Variants in NALF1 observed in about 807,000 individuals in gnomAD.
The protein encoded by NALF1 is family with sequence similarity 155 member A.
NALF1 carries 3 observed loss-of-function variants against 48.4 expected under a neutral mutation model. The ratio of observed to expected loss-of-function variants is 0.06; its 90% CI spans 0.03 to 0.16. NALF1 has a LOEUF of 0.16. NALF1 is among the 10% of genes least tolerant of loss of function. NALF1 has a pLI of 1.00. For missense variants in NALF1, 526 were observed against 571.5 expected, an observed-to-expected ratio of 0.92 and a Z score of 0.81; for synonymous variants, 262 against 245.7, an observed-to-expected ratio of 1.07 and a Z score of -0.62.
At chr13:107,783,763 G>T (rs539903195) in intron 1 of NALF1, among the ~76,000 whole-genome samples, 1 of 150,474 alleles carries the variant, frequency 6.6e-6, no homozygotes, top group African/African-American at 2.4e-5. Flanking sequence ...GAAAACCAGA[G>T]ACCTTTGTTC....
chr13:107,293,565 T>C (rs1447962138), intron 1 of NALF1, among the ~76,000 whole-genome samples: 1 of 152,128 alleles, frequency 6.6e-6, no homozygotes, highest in Non-Finnish European at 1.5e-5. Flanking sequence ...AAGAAACAAC[T>C]CCACTTTATA....
chr13:107,613,564 T>C (rs1879298789), intron 1 of NALF1, among the ~76,000 whole-genome samples: 1 of 152,240 alleles, frequency 6.6e-6, no homozygotes, highest in African/African-American at 2.4e-5. Flanking sequence ...TAGATTTCAG[T>C]CCATGTTTTA....
intron 2 of NALF1, among the ~76,000 whole-genome samples, chr13:107,198,895 C>G (rs537161474): frequency 6.6e-6 from 1 of 152,156 alleles, no homozygotes. Flanking sequence ...CCTTTTTATA[C>G]GCTGTTATGG....
At chr13:107,420,485 A>G (rs1339264914) in intron 1 of NALF1, among the ~76,000 whole-genome samples, 1 of 152,148 alleles carries the variant, frequency 6.6e-6, no homozygotes, top group African/African-American at 2.4e-5. Context: ...ACTGGCAAAA[A>G]TTAATTCTGT....
chr13:107,706,436 TCA>T (rs1270463972), intron 1 of NALF1, among the ~76,000 whole-genome samples: 1 of 152,232 alleles, frequency 6.6e-6, no homozygotes, highest in East Asian at 1.9e-4. Flanking sequence ...TTAAGATTTC[TCA>T]CATGCATTCT....
Position 107,351,554 on chromosome 13 carries a change from G to A in NALF1, c.916-140799C>T, listed in dbSNP as rs115047292. On this transcript the variant is annotated intron_variant, in intron 1 of 2. Transcript: ENST00000375915. ...GTAACAGCATCTCCACCAATGAACC[G>A]ACAACAACTCTGGCTTTGAGCCTCT... Among the ~76,000 whole-genome samples the A allele has an allele frequency of 7.9e-3, 1,207 of 152,196 alleles. 18 individuals carry two copies. The highest frequency in any genetic ancestry group is 0.028 in the African/African-American group (1,148 of 41,530).
At chr13:107,805,882 A>G (rs1878770233) in intron 1 of NALF1, among the ~76,000 whole-genome samples, 1 of 152,166 alleles carries the variant, frequency 6.6e-6, no homozygotes, top group African/African-American at 2.4e-5. Flanking sequence ...TGGGCTGTTA[A>G]TCACAAAATC....
chr13:107,353,227 C>T (rs998562843), intron 1 of NALF1, among the ~76,000 whole-genome samples: 1 of 152,206 alleles, frequency 6.6e-6, no homozygotes, highest in Non-Finnish European at 1.5e-5. Flanking sequence ...CTCCTGCACA[C>T]TAATAAAATT....
In NALF1 at chr13:107,281,863, G is replaced by A. The variant is rs565147044; in HGVS notation, c.916-71108C>T. ...GGAACTACCAAACACTTATAAAACCGTCAGATCTTATGAGAATTCACTCAA... is the reference window on the plus strand; with the variant it reads ...GGAACTACCAAACACTTATAAAACCATCAGATCTTATGAGAATTCACTCAA... On this transcript the variant is annotated intron_variant, in intron 1 of 2. Transcript: ENST00000375915. 1.2e-3 allele frequency among the ~76,000 whole-genome samples: 188 copies of A among 152,264 alleles called. 1 individual carries two copies. The highest frequency in any genetic ancestry group is 4.0e-3 in the African/African-American group (167 of 41,552).
intron 1 of NALF1, among the ~76,000 whole-genome samples, chr13:107,252,076 G>T (rs1389611298): frequency 1.3e-5 from 2 of 152,150 alleles, no homozygotes; most frequent in Non-Finnish European, 2.9e-5. Context: ...GGAGGGCCTG[G>T]TGGAAGTGGA....
chr13:107,683,876 G>T (rs1881364833), intron 1 of NALF1, among the ~76,000 whole-genome samples: 1 of 152,200 alleles, frequency 6.6e-6, no homozygotes, highest in Non-Finnish European at 1.5e-5. Flanking sequence ...ACCTGCTGAG[G>T]GGACCCACAT....
intron 1 of NALF1, among the ~76,000 whole-genome samples, chr13:107,844,287 A>T (rs548137125): frequency 1.6e-4 from 25 of 152,282 alleles, no homozygotes; most frequent in African/African-American, 6.0e-4. Context: ...ATCTTATGAA[A>T]CAACCAGAAG....
At chr13:107,680,564 G>C (rs1285119604) in intron 1 of NALF1, among the ~76,000 whole-genome samples, 2 of 151,734 alleles carry the variant, frequency 1.3e-5, no homozygotes, top group East Asian at 1.9e-4. Context: ...GTGAGAATGT[G>C]TGTGAATGAG....
intron 1 of NALF1, among the ~76,000 whole-genome samples, chr13:107,367,022 G>A (rs560024613): frequency 6.6e-6 from 1 of 152,240 alleles, no homozygotes; most frequent in African/African-American, 2.4e-5. Flanking sequence ...TATTTTAGAG[G>A]GAAAAGAGAA....
intron 1 of NALF1, among the ~76,000 whole-genome samples, chr13:107,789,477 T>C (rs1879636319): frequency 6.6e-6 from 1 of 152,256 alleles, no homozygotes; most frequent in Non-Finnish European, 1.5e-5. Flanking sequence ...TGGGAAACTA[T>C]GCTTACTTCA....
intron 1 of NALF1, among the ~76,000 whole-genome samples, chr13:107,703,364 T>A (rs986406725): frequency 6.4e-4 from 1 of 1,572 alleles, no homozygotes; most frequent in Non-Finnish European, 1.6e-3. Context: ...ATTTGCTTAG[T>A]TTTTTTTTTT....
intron 1 of NALF1, among the ~76,000 whole-genome samples, chr13:107,771,140 A>G (rs191912605): frequency 6.6e-6 from 1 of 152,332 alleles, no homozygotes; most frequent in African/African-American, 2.4e-5. Context: ...CTAAATTTAC[A>G]AAACAAATCT....
At chr13:107,582,428 C>A (rs1272945916) in intron 1 of NALF1, among the ~76,000 whole-genome samples, 2 of 152,184 alleles carry the variant, frequency 1.3e-5, no homozygotes, top group African/African-American at 4.8e-5. Context: ...GCAGATAACA[C>A]TTGCATCTAG....
intron 1 of NALF1, among the ~76,000 whole-genome samples, chr13:107,572,483 A>T (rs1043295483): frequency 6.6e-6 from 1 of 152,190 alleles, no homozygotes; most frequent in Non-Finnish European, 1.5e-5. Context: ...AAAAACTGTC[A>T]CAAAAATGGT....
Sources: allele counts gnomAD v4.1 joint callset (sites outside exome capture counted in the v4.1 genomes callset), GRCh38; gene constraint gnomAD v4.1.1; transcripts MANE v1.5; gene names NCBI Gene and HGNC (gene_info 2026-07-23, HGNC 2026-07-21).